Variants in BTBD9 observed in about 807,000 individuals in gnomAD.
BTBD9 encodes the protein BTB/POZ domain-containing protein 9.
Under a neutral mutation model 64.3 loss-of-function variants are expected in BTBD9, and 49 were observed. The ratio of observed to expected loss-of-function variants is 0.76; its 90% CI spans 0.61 to 0.97. BTBD9 has a LOEUF of 0.97. BTBD9 is among the 50% of genes least tolerant of loss of function. The pLI is 0.00. For synonymous variants in BTBD9, 260 were observed against 274.7 expected (o/e 0.95, Z 0.53); for missense variants, 598 against 762.1 (o/e 0.78, Z 2.53).
chr6:38,223,017 C>T (rs1194714779), intron 9 of BTBD9, among the ~76,000 whole-genome samples: 2 of 152,160 alleles, frequency 1.3e-5, no homozygotes, highest in Non-Finnish European at 2.9e-5. Flanking sequence ...AGCAATTCTC[C>T]TGCCTCGCCT....
At chr6:38,588,286 C>A in intron 4 of BTBD9, 1 of 1,126,616 alleles carries the variant, frequency 8.9e-7, no homozygotes, top group Non-Finnish European at 1.4e-6. Context: ...AGCTGCCACA[C>A]AGTACCAGGC....
chr6:38,297,362 T>C (rs1261686432), intron 7 of BTBD9, among the ~76,000 whole-genome samples: 1 of 152,080 alleles, frequency 6.6e-6, no homozygotes, highest in African/African-American at 2.4e-5. Flanking sequence ...TGAGACTGAC[T>C]TGAAGAAAAA....
At chr6:38,620,981 T>C (rs1299513829) in intron 1 of BTBD9, among the ~76,000 whole-genome samples, 3 of 152,178 alleles carry the variant, frequency 2.0e-5, no homozygotes, top group Non-Finnish European at 4.4e-5. Flanking sequence ...CTTCTCTTTA[T>C]ATGCCAGAGA....
intron 6 of BTBD9, among the ~76,000 whole-genome samples, chr6:38,550,200 T>C (rs549223298): frequency 6.6e-6 from 1 of 152,216 alleles, no homozygotes; most frequent in Non-Finnish European, 1.5e-5. Context: ...ACTGAGGTAT[T>C]CCAAAACCTA....
chr6:38,181,759 AG>A (rs1761564121), intron 10 of BTBD9, among the ~76,000 whole-genome samples: 1 of 152,094 alleles, frequency 6.6e-6, no homozygotes, highest in Non-Finnish European at 1.5e-5. Context: ...AGGCTGAGAG[AG>A]GCGGATCACT....
intron 6 of BTBD9, among the ~76,000 whole-genome samples, chr6:38,505,201 T>C (rs145611197): frequency 5.9e-5 from 9 of 152,320 alleles, no homozygotes; most frequent in African/African-American, 2.2e-4. Flanking sequence ...CCAGGTGATC[T>C]CATTCATTTT....
chr6:38,610,274 G>C (rs1777569555), intron 1 of BTBD9, among the ~76,000 whole-genome samples: 1 of 152,190 alleles, frequency 6.6e-6, no homozygotes, highest in Admixed American at 6.5e-5. Context: ...ACAGGAATCA[G>C]CCGCTGATAA....
intron 6 of BTBD9, among the ~76,000 whole-genome samples, chr6:38,379,756 T>C (rs1765848656): frequency 6.6e-6 from 1 of 152,176 alleles, no homozygotes; most frequent in Non-Finnish European, 1.5e-5. Flanking sequence ...ATACCACATA[T>C]GCTCGGATAT....
chr6:38,291,159 C>T (rs919261893), intron 7 of BTBD9, among the ~76,000 whole-genome samples: 9 of 152,174 alleles, frequency 5.9e-5, no homozygotes, highest in Non-Finnish European at 1.2e-4. Context: ...CCAAATTTTT[C>T]ACCAAAGTGG....
intron 6 of BTBD9, among the ~76,000 whole-genome samples, chr6:38,462,699 T>C (rs541599707): frequency 2.6e-5 from 4 of 152,368 alleles, no homozygotes; most frequent in African/African-American, 9.6e-5. Flanking sequence ...GGAATTGCAC[T>C]GAATCTATGG....
intron 6 of BTBD9, chr6:38,504,369 C>CT (rs1228273825): frequency 3.1e-6 from 1 of 326,416 alleles, no homozygotes; most frequent in African/African-American, 2.1e-5. Context: ...TTTACGGAGA[C>CT]TACAAACTTC....
At chr6:38,525,435 G>A (rs1773447350) in intron 6 of BTBD9, among the ~76,000 whole-genome samples, 1 of 152,180 alleles carries the variant, frequency 6.6e-6, no homozygotes, top group Admixed American at 6.5e-5. Context: ...GACTAAAACA[G>A]TTAATTGGTA....
chr6:38,351,784 C>T (rs986306631), intron 6 of BTBD9, among the ~76,000 whole-genome samples: 3 of 151,978 alleles, frequency 2.0e-5, no homozygotes, highest in Non-Finnish European at 2.9e-5. Context: ...CAGGCATGAG[C>T]CACCGCCCCA....
At chr6:38,592,868 A>C in intron 3 of BTBD9, 28 bp from the exon 4 acceptor site, 4 of 1,607,104 alleles carry the variant, frequency 2.5e-6, no homozygotes, top group Non-Finnish European at 3.4e-6. Flanking sequence ...GTAAAATTCC[A>C]GTTATATGAA....
intron 8 of BTBD9, among the ~76,000 whole-genome samples, chr6:38,264,389 C>T (rs924065031): frequency 3.3e-5 from 5 of 152,112 alleles, no homozygotes; most frequent in Admixed American, 2.6e-4. Flanking sequence ...AGAACAGATG[C>T]GGCAGCTGTA....
chr6:38,438,522 T>C (rs1049783081), intron 6 of BTBD9, among the ~76,000 whole-genome samples: 5 of 152,168 alleles, frequency 3.3e-5, no homozygotes, highest in Non-Finnish European at 7.3e-5. Context: ...AATTAAAATA[T>C]CTCCTGTTTC....
chr6:38,384,499 G>A (rs900338568), intron 6 of BTBD9, among the ~76,000 whole-genome samples: 1 of 152,176 alleles, frequency 6.6e-6, no homozygotes, highest in Non-Finnish European at 1.5e-5. Context: ...ACAAAAGCCT[G>A]CTTAGTTCAT....
In BTBD9 at chr6:38,253,352, A is replaced by T. The variant is rs548026704; in HGVS notation, c.1562+3057T>A. Among the ~76,000 whole-genome samples the T allele has an allele frequency of 9.2e-5, 14 of 152,334 alleles. No homozygotes were observed. In the South Asian group the frequency reaches 2.9e-3, roughly 32 times the overall value. ...AAGGCAGCAGGAGAGAGAAGAGTGA[A>T]GAACTTCCAAACACTTCTAACACCA... On this transcript the variant is annotated intron_variant, in intron 9 of 10. Transcript: ENST00000481247.
At chr6:38,632,055 G>T (rs1245661548) in intron 1 of BTBD9, among the ~76,000 whole-genome samples, 1 of 152,160 alleles carries the variant, frequency 6.6e-6, no homozygotes, top group African/African-American at 2.4e-5. Flanking sequence ...TTGAACCCAG[G>T]GGGCGGAGGT....
Sources: allele counts gnomAD v4.1 joint callset (sites outside exome capture counted in the v4.1 genomes callset), GRCh38; gene constraint gnomAD v4.1.1; transcripts MANE v1.5; gene names NCBI Gene and HGNC (gene_info 2026-07-23, HGNC 2026-07-21).